ME1: variants seen among roughly 807,000 people sequenced by gnomAD.
ME1 encodes the protein NADP-dependent malic enzyme.
A neutral mutation model predicts 66.4 loss-of-function variants in ME1; 74 were observed. That is an observed-to-expected ratio of 1.11 (90% CI 0.92 to 1.35). ME1 has a LOEUF of 1.35. Among genes scored for constraint, ME1 ranks in the 40% most tolerant of loss-of-function variants. The pLI, the probability that ME1 is intolerant of heterozygous loss-of-function variation, is 0.00. For missense variants in ME1, 750 were observed against 694.1 expected (o/e 1.08, Z -0.90); for synonymous variants, 251 against 235.6 (o/e 1.07, Z -0.60).
chr6:83,326,679 T>G (rs1165617125), intron 5 of ME1, among the ~76,000 whole-genome samples: 4 of 152,162 alleles, frequency 2.6e-5, no homozygotes, highest in Non-Finnish European at 5.9e-5. Flanking sequence ...AGAACCACAA[T>G]GAGATATCAT....
intron 3 of ME1, among the ~76,000 whole-genome samples, chr6:83,358,911 T>G (rs1768952140): frequency 6.6e-6 from 1 of 152,236 alleles, no homozygotes; most frequent in Non-Finnish European, 1.5e-5. Flanking sequence ...ATTTAAACTT[T>G]TAATTAAAAA....
chr6:83,355,984 T>A (rs980592361), intron 3 of ME1, among the ~76,000 whole-genome samples: 1 of 152,152 alleles, frequency 6.6e-6, no homozygotes, highest in Non-Finnish European at 1.5e-5. Flanking sequence ...ATATGGATGC[T>A]TTTTCATATA....
At chr6:83,238,143 A>G (rs936324908) in intron 8 of ME1, among the ~76,000 whole-genome samples, 3 of 152,170 alleles carry the variant, frequency 2.0e-5, no homozygotes, top group African/African-American at 4.8e-5. Flanking sequence ...ATTGAACTGT[A>G]TTGTTTATTG....
At chr6:83,344,708 AC>A (rs1768654305) in intron 5 of ME1, among the ~76,000 whole-genome samples, 1 of 151,670 alleles carries the variant, frequency 6.6e-6, no homozygotes. Flanking sequence ...ACGGTGAAAC[AC>A]CCTCTTTACT....
At chr6:83,263,630 T>C (rs1470391835) in intron 6 of ME1, among the ~76,000 whole-genome samples, 2 of 152,102 alleles carry the variant, frequency 1.3e-5, no homozygotes, top group Admixed American at 6.6e-5. Context: ...GCCTAATCCA[T>C]AGCAAGGCCC....
chr6:83,346,811 C>T (rs1437941400), intron 4 of ME1, among the ~76,000 whole-genome samples: 1 of 152,132 alleles, frequency 6.6e-6, no homozygotes, highest in African/African-American at 2.4e-5. Context: ...ACAATCTGAC[C>T]CATTCTCCTT....
chr6:83,393,305 C>CCCTCAACGACCACTTTGT, intron 3 of ME1: 3 of 1,251,908 alleles, frequency 2.4e-6, no homozygotes, highest in Non-Finnish European at 3.4e-6. Context: ...GCTGGCATTG[C>CCCTCAACGACCACTTTGT]CCTCAACGAC....
intron 6 of ME1, among the ~76,000 whole-genome samples, chr6:83,284,656 A>T (rs575687360): frequency 6.6e-6 from 1 of 152,196 alleles, no homozygotes; most frequent in Non-Finnish European, 1.5e-5. Flanking sequence ...ACATCCCTTC[A>T]TTATAAAAAA....
At chr6:83,221,607 G>T (rs1047935838) in intron 12 of ME1, among the ~76,000 whole-genome samples, 2 of 152,110 alleles carry the variant, frequency 1.3e-5, no homozygotes, top group African/African-American at 4.8e-5. Flanking sequence ...TGTGTTTAAG[G>T]ACACAGTAGG....
At chr6:83,390,112 C>T (rs963170541) in intron 3 of ME1, among the ~76,000 whole-genome samples, 3 of 151,898 alleles carry the variant, frequency 2.0e-5, no homozygotes, top group African/African-American at 2.4e-5. Context: ...TTTTGGGATA[C>T]CTAGCCAGAT....
intron 1 of ME1, among the ~76,000 whole-genome samples, chr6:83,411,380 C>A (rs556266183): frequency 1.4e-3 from 219 of 151,328 alleles, no homozygotes; most frequent in African/African-American, 5.0e-3. Flanking sequence ...AAAAAAAAAA[C>A]TAGTCCCATG....
intron 6 of ME1, among the ~76,000 whole-genome samples, chr6:83,285,619 G>A (rs763564261): frequency 2.6e-5 from 4 of 152,164 alleles, no homozygotes; most frequent in African/African-American, 7.2e-5. Context: ...CAGAAGAGGA[G>A]ACAGGGATAA....
At chr6:83,392,216 A>G (rs1333417287) in intron 3 of ME1, among the ~76,000 whole-genome samples, 4 of 149,216 alleles carry the variant, frequency 2.7e-5, no homozygotes, top group Non-Finnish European at 5.9e-5. Context: ...ATTTGGTTGT[A>G]TTGGCTGCCT....
rs899965524 is a variant in ME1, at chr6:83,276,067, G to A, written c.705-22329C>T. On this transcript the variant is annotated intron_variant, in intron 6 of 13. Transcript: ENST00000369705. ...TTATAGGTGTCAGCCACCGCGCCCC[G>A]GCCAACATTTTTTAGTTTAATCTGC... is the stretch of plus-strand genomic sequence containing the variant. Among the ~76,000 whole-genome samples, 10 of 151,920 alleles carry A rather than the reference G, an allele frequency of 6.6e-5. No individual in the cohort carries two copies. In the South Asian group the frequency reaches 1.5e-3, roughly 22 times the overall value.
chr6:83,356,447 A>C (rs929425623), intron 3 of ME1, among the ~76,000 whole-genome samples: 2 of 152,220 alleles, frequency 1.3e-5, no homozygotes, highest in Non-Finnish European at 2.9e-5. Context: ...AGATCAGGAA[A>C]TAGCTAGGAT....
intron 6 of ME1, among the ~76,000 whole-genome samples, chr6:83,270,092 A>C (rs1212409877): frequency 6.6e-6 from 1 of 152,144 alleles, no homozygotes; most frequent in Non-Finnish European, 1.5e-5. Flanking sequence ...AACATAGTAC[A>C]TCAAAAAATG....
intron 2 of ME1, among the ~76,000 whole-genome samples, chr6:83,406,767 C>T (rs572968633): frequency 6.6e-6 from 1 of 152,232 alleles, no homozygotes; most frequent in East Asian, 1.9e-4. Flanking sequence ...GGGTGGGCCT[C>T]CTCCAAATGG....
At chr6:83,357,935 C>CTCTCTCTCTATCTATATATATA in intron 3 of ME1, among the ~76,000 whole-genome samples, 1 of 30,040 alleles carries the variant, frequency 3.3e-5, no homozygotes, top group Non-Finnish European at 5.9e-5. Context: ...CTCTCTCTCT[C>CTCTCTCTCTATCTATATATATA]TATATATATA....
intron 6 of ME1, among the ~76,000 whole-genome samples, chr6:83,276,220 G>A (rs1258841239): frequency 6.6e-6 from 1 of 152,150 alleles, no homozygotes; most frequent in African/African-American, 2.4e-5. Context: ...TTTGAATACA[G>A]TAATTGAAAG....
Sources: gnomAD v4.1 joint callset for allele counts (sites outside exome capture counted in the v4.1 genomes callset) on GRCh38, gnomAD v4.1.1 for gene constraint, MANE v1.5 for transcripts, NCBI Gene and HGNC (gene_info 2026-07-23, HGNC 2026-07-21) for gene names.